Variants in SLC22A16 observed in about 807,000 individuals in gnomAD.
The protein encoded by SLC22A16 is solute carrier family 22 member 16.
In SLC22A16, 53 loss-of-function variants were observed where a neutral mutation model predicts 52.9. That is an observed-to-expected ratio of 1.00 (90% confidence interval 0.80 to 1.26). SLC22A16 has a LOEUF of 1.26. SLC22A16 is among the 50% of genes most tolerant of loss of function. The pLI is 0.00. For missense variants in SLC22A16, 726 were observed against 704.0 expected (o/e 1.03, Z -0.35); for synonymous variants, 291 against 268.8 (o/e 1.08, Z -0.81).
At chr6:110,446,607 A>G (rs576146620) in intron 3 of SLC22A16, among the ~76,000 whole-genome samples, 13 of 152,214 alleles carry the variant, frequency 8.5e-5, no homozygotes, top group Non-Finnish European at 1.8e-4. Flanking sequence ...CAGAAAGAAA[A>G]TAATGCCTCA....
chr6:110,438,290 T>G (rs1774814578), intron 5 of SLC22A16, among the ~76,000 whole-genome samples: 1 of 152,222 alleles, frequency 6.6e-6, no homozygotes. Context: ...ACAACACTGG[T>G]CATCTCTGGG....
At position 110,437,035 on chromosome 6, in the gene SLC22A16, G is replaced by A. The variant is rs183913838; in HGVS notation, c.1312-1074C>T. ...CCACTCACCACTCCCACTTTGGCCA[G>A]CTAGGTACAAATACATGGAACTTTC... On this transcript the variant is annotated intron_variant, in intron 5 of 7. Coordinates refer to ENST00000368919, the MANE Select transcript of SLC22A16 (RefSeq NM_033125.4). Among the ~76,000 whole-genome samples the A allele has an allele frequency of 5.4e-3, 827 of 152,244 alleles. 2 individuals carry two copies. The highest frequency in any genetic ancestry group is 0.02 in the Middle Eastern group (6 of 294).
At chr6:110,425,482 C>G (rs1774224440) in intron 7 of SLC22A16, 4 of 1,145,808 alleles carry the variant, frequency 3.5e-6, no homozygotes, top group Admixed American at 5.0e-5. Flanking sequence ...ACATGCCAAG[C>G]AGGGACTGTC....
At chr6:110,448,682 C>G (rs1365579855) in intron 2 of SLC22A16, among the ~76,000 whole-genome samples, 1 of 152,166 alleles carries the variant, frequency 6.6e-6, no homozygotes, top group African/African-American at 2.4e-5. Flanking sequence ...TTGACCCTCT[C>G]TCCCACCTCA....
chr6:110,475,883 A>G (rs143622354), intron 1 of SLC22A16: 1 of 456,474 alleles, frequency 2.2e-6, no homozygotes, highest in African/African-American at 2.0e-5. Context: ...TGCGTTGGCT[A>G]TGAGTCCTTG....
intron 3 of SLC22A16, among the ~76,000 whole-genome samples, chr6:110,445,486 A>G (rs780728915): frequency 2.0e-5 from 3 of 152,066 alleles, no homozygotes; most frequent in Non-Finnish European, 2.9e-5. Flanking sequence ...TTAGCATTAC[A>G]CTCTGTAGAC....
At position 110,442,741 on chromosome 6, in the gene SLC22A16, T is replaced by A; in HGVS notation, c.686A>T (p.Tyr229Phe). 6.2e-7 allele frequency: 1 copy of A among 1,613,864 alleles called. No individual in the cohort carries two copies. Among genetic ancestry groups the A allele is most frequent in the South Asian group, 1.1e-5 (1 of 91,030 alleles). Residue 229 changes from tyrosine to phenylalanine, a missense_variant, in exon 4 of 8, where the codon TAT (tyrosine) becomes TTT (phenylalanine). By Grantham distance (22) the Tyr-to-Phe change is conservative (BLOSUM62 3). Transcript: ENST00000368919. The part of the protein sequence containing the change: ...ASGYLVVGFV[Y>F]VMEFIGMKSR... ...CTTCATGCCAATGAATTCCATCACATAGACAAACCCCACCACAAGATAGCC... is the reference window on the plus strand; with the variant it reads ...CTTCATGCCAATGAATTCCATCACAAAGACAAACCCCACCACAAGATAGCC...
chr6:110,459,236 T>C (rs982786823), intron 1 of SLC22A16, among the ~76,000 whole-genome samples: 2 of 152,168 alleles, frequency 1.3e-5, no homozygotes, highest in African/African-American at 4.8e-5. Flanking sequence ...AACTTGCTTC[T>C]AAAGAACAAA....
rs1775882207 is a variant in SLC22A16, at chr6:110,461,490, T to C, written c.54-4473A>G. Among the ~76,000 whole-genome samples the C allele has an allele frequency of 2.6e-5, 4 of 152,194 alleles. No individual in the cohort carries two copies. In the South Asian group the frequency reaches 8.3e-4, roughly 32 times the overall value. ...CACTCATCTTTGGATGACCTGAGGG[T>C]GAGCTAGCTCTTCTTACCCTCAAGC... On this transcript the variant is annotated intron_variant, in intron 1 of 7. Coordinates refer to ENST00000368919, the MANE Select transcript of SLC22A16 (RefSeq NM_033125.4).
At chr6:110,461,626 C>T (rs1417803916) in intron 1 of SLC22A16, among the ~76,000 whole-genome samples, 1 of 152,164 alleles carries the variant, frequency 6.6e-6, no homozygotes, top group Non-Finnish European at 1.5e-5. Context: ...ACACTCCTAG[C>T]CCTACAGAAG....
intron 5 of SLC22A16, 138 bp from the exon 6 acceptor site, chr6:110,436,099 T>C: frequency 1.6e-6 from 1 of 614,964 alleles, no homozygotes; most frequent in South Asian, 2.1e-5. Context: ...TTTTTCTGTT[T>C]GAATGTATTA....
At chr6:110,472,891 G>A (rs1160471005) in intron 1 of SLC22A16, among the ~76,000 whole-genome samples, 1 of 152,198 alleles carries the variant, frequency 6.6e-6, no homozygotes, top group Non-Finnish European at 1.5e-5. Flanking sequence ...CTGAGTGACG[G>A]ATGAAGAAAA....
chr6:110,425,876 A>ATCT (rs1179046292), intron 7 of SLC22A16, among the ~76,000 whole-genome samples: 5 of 152,266 alleles, frequency 3.3e-5, no homozygotes, highest in Non-Finnish European at 7.3e-5. Context: ...TAAAAACACA[A>ATCT]TCTGTCCTTA....
At chr6:110,439,289 T>G (rs1453190313) in intron 4 of SLC22A16, among the ~76,000 whole-genome samples, 1 of 152,208 alleles carries the variant, frequency 6.6e-6, no homozygotes, top group Non-Finnish European at 1.5e-5. Flanking sequence ...GATTGCCCAG[T>G]TTTTTGACAA....
Position 110,425,015 on chromosome 6 carries a change from C to T in SLC22A16, c.1592G>A (p.Arg531Gln), listed in dbSNP as rs528343990. The T allele has an allele frequency of 3.3e-5, 53 of 1,614,148 alleles. No individual in the cohort carries two copies. The highest frequency in any genetic ancestry group is 2.0e-4 in the African/African-American group (15 of 75,032). The change falls in exon 8 of 8, where the codon CGG becomes CAG. Residue 531 changes from arginine to glutamine, a missense_variant. Physicochemically the swap from Arg to Gln is conservative, Grantham distance 43. Transcript: ENST00000368919. ...TLKLPETLGK[R>Q]LATTWEEAAK... ...AGCCTCCTCCCAAGTAGTTGCTAGC[C>T]GTTTCCCAAGGGTTTCTGGAAGCTT...
intron 4 of SLC22A16, 60 bp downstream of exon 4, chr6:110,442,183 CA>C (rs1438354982): frequency 2.6e-5 from 39 of 1,504,518 alleles, no homozygotes; most frequent in Non-Finnish European, 3.5e-5. Flanking sequence ...AACAGACACA[CA>C]CACACAAATG....
At chr6:110,473,607 C>T (rs1776345450) in intron 1 of SLC22A16, among the ~76,000 whole-genome samples, 1 of 142,230 alleles carries the variant, frequency 7.0e-6, no homozygotes, top group African/African-American at 2.6e-5. Flanking sequence ...TCACTGCAAG[C>T]TCTGCCTCCT....
rs779422196 is a variant in SLC22A16, at chr6:110,442,601, T to C, written c.826A>G (p.Thr276Ala). 7.4e-6 allele frequency: 12 copies of C among 1,614,240 alleles called. No individual in the cohort carries two copies. In the Middle Eastern group the frequency reaches 4.9e-4, roughly 67 times the overall value. The change falls in exon 4 of 8, where the codon ACA becomes GCA. Residue 276 changes from threonine to alanine, a missense_variant. Coordinates refer to ENST00000368919, the MANE Select transcript of SLC22A16 (RefSeq NM_033125.4). The part of the protein sequence containing the change: ...TWWLYQMILS[T>A]VTVPFILCCW... ...CACAGGATAAAGGGGACAGTCACTGTGGAGAGGATCATCTGGTAAAGCCAC... is the reference window on the plus strand; with the variant it reads ...CACAGGATAAAGGGGACAGTCACTGCGGAGAGGATCATCTGGTAAAGCCAC...
At chr6:110,432,462 T>C (rs995258463) in intron 6 of SLC22A16, among the ~76,000 whole-genome samples, 1 of 152,260 alleles carries the variant, frequency 6.6e-6, no homozygotes, top group Non-Finnish European at 1.5e-5. Flanking sequence ...TCAGCACATG[T>C]GTGTCAAGAG....
Sources: gnomAD v4.1 joint callset for allele counts (sites outside exome capture counted in the v4.1 genomes callset) on GRCh38, gnomAD v4.1.1 for gene constraint, MANE v1.5 for transcripts, NCBI Gene and HGNC (gene_info 2026-07-23, HGNC 2026-07-21) for gene names.